The following GLIS3 variants were observed in gnomAD, a reference collection of about 807,000 sequenced individuals.
The protein encoded by GLIS3 is GLIS family zinc finger 3, also known as zinc finger protein GLIS3.
A neutral mutation model predicts 78.6 loss-of-function variants in GLIS3; 53 were observed. That is an observed-to-expected ratio of 0.67 (90% confidence interval 0.54 to 0.85). GLIS3 has a LOEUF of 0.85. Among genes scored for constraint, GLIS3 ranks in the 40% least tolerant of loss-of-function variants. The pLI, the probability that GLIS3 is intolerant of heterozygous loss-of-function variation, is 0.00. For missense variants in GLIS3, 1,703 were observed against 1,231.1 expected (o/e 1.38, Z -5.74); for synonymous variants, 684 against 509.9 (o/e 1.34, Z -4.60).
intron 2 of GLIS3, among the ~76,000 whole-genome samples, chr9:4,201,352 AG>A (rs1367438221): frequency 6.6e-6 from 1 of 152,224 alleles, no homozygotes; most frequent in African/African-American, 2.4e-5. Context: ...GACAAGAGAA[AG>A]AAAAAAAGGC....
At chr9:4,030,275 C>T (rs894983772) in intron 4 of GLIS3, among the ~76,000 whole-genome samples, 2 of 152,096 alleles carry the variant, frequency 1.3e-5, no homozygotes, top group Non-Finnish European at 2.9e-5. Flanking sequence ...AAATATTTTG[C>T]CCAATTTTTT....
At chr9:4,158,740 C>T (rs937348304) in intron 2 of GLIS3, among the ~76,000 whole-genome samples, 1 of 152,162 alleles carries the variant, frequency 6.6e-6, no homozygotes, top group African/African-American at 2.4e-5. Context: ...TCATAAAGTG[C>T]ACATTGTAGT....
chr9:4,209,681 T>C (rs1020401871), intron 2 of GLIS3, among the ~76,000 whole-genome samples: 1 of 152,206 alleles, frequency 6.6e-6, no homozygotes, highest in Non-Finnish European at 1.5e-5. Context: ...TGTTCCTCTC[T>C]GCCAGGGTTT....
At chr9:4,431,952 A>G in the GLIS3 span, among the ~76,000 whole-genome samples, 11 of 152,134 alleles carry the variant, frequency 7.2e-5, no homozygotes, top group African/African-American at 2.7e-4. Context: ...AAGTAGCCAT[A>G]GGCAATATGT....
At chr9:4,163,218 C>A (rs928947527) in intron 2 of GLIS3, among the ~76,000 whole-genome samples, 1 of 151,818 alleles carries the variant, frequency 6.6e-6, no homozygotes, top group Non-Finnish European at 1.5e-5. Flanking sequence ...TTTTTTATGT[C>A]TCAGCATGTG....
chr9:4,274,969 T>A (rs954808393), intron 2 of GLIS3, among the ~76,000 whole-genome samples: 4 of 152,208 alleles, frequency 2.6e-5, no homozygotes, highest in African/African-American at 7.2e-5. Context: ...ATTACAAACT[T>A]TTTACGTCTT....
chr9:4,008,043 G>A (rs759140831), intron 4 of GLIS3, among the ~76,000 whole-genome samples: 3 of 152,138 alleles, frequency 2.0e-5, no homozygotes, highest in African/African-American at 7.2e-5. Flanking sequence ...CCCCTGGCCT[G>A]AAGAAAGGCC....
chr9:4,322,697 C>T (rs961046612), intron 2 of GLIS3, among the ~76,000 whole-genome samples: 9 of 152,218 alleles, frequency 5.9e-5, no homozygotes, highest in Non-Finnish European at 1.3e-4. Context: ...CTGTTGGCTG[C>T]ATAAAAGTCT....
the GLIS3 span, among the ~76,000 whole-genome samples, chr9:4,383,472 A>G: frequency 6.6e-6 from 1 of 152,172 alleles, no homozygotes; most frequent in African/African-American, 2.4e-5. Flanking sequence ...ATAACATAGA[A>G]CTCTTCACTT....
intron 3 of GLIS3, among the ~76,000 whole-genome samples, chr9:4,124,442 T>C (rs915360303): frequency 2.0e-5 from 3 of 152,208 alleles, no homozygotes; most frequent in Non-Finnish European, 4.4e-5. Context: ...CTTCAAGGCA[T>C]GGGCTGGACT....
the GLIS3 span, among the ~76,000 whole-genome samples, chr9:4,452,252 A>C: frequency 6.6e-6 from 1 of 152,176 alleles, no homozygotes; most frequent in African/African-American, 2.4e-5. Context: ...ATTCCTTTTG[A>C]AAACTGGCAC....
the GLIS3 span, among the ~76,000 whole-genome samples, chr9:4,354,360 G>A: frequency 6.6e-6 from 1 of 152,118 alleles, no homozygotes; most frequent in African/African-American, 2.4e-5. Flanking sequence ...ATGGATGAGG[G>A]TATAAGCACC....
At chr9:4,119,612 A>C (rs1263203270) in intron 3 of GLIS3, among the ~76,000 whole-genome samples, 1 of 152,210 alleles carries the variant, frequency 6.6e-6, no homozygotes, top group Non-Finnish European at 1.5e-5. Context: ...GCCATTCGGG[A>C]TTTAATCACA....
intron 2 of GLIS3, among the ~76,000 whole-genome samples, chr9:4,262,804 A>G (rs1825646700): frequency 6.6e-6 from 1 of 152,058 alleles, no homozygotes; most frequent in African/African-American, 2.4e-5. Flanking sequence ...GCATCCCCTG[A>G]AAGCCCAGCT....
chr9:4,060,058 G>A (rs1256606036), intron 4 of GLIS3, among the ~76,000 whole-genome samples: 1 of 151,988 alleles, frequency 6.6e-6, no homozygotes, highest in East Asian at 1.9e-4. Context: ...CAAGGTTCCT[G>A]GCCAACCTGG....
chr9:3,923,901 G>A (rs1194561419), intron 6 of GLIS3, among the ~76,000 whole-genome samples: 1 of 152,194 alleles, frequency 6.6e-6, no homozygotes, highest in Non-Finnish European at 1.5e-5. Flanking sequence ...ACTTTGGGAG[G>A]CCAAGGCAGG....
At chr9:4,479,234 G>A in the GLIS3 span, among the ~76,000 whole-genome samples, 6 of 152,154 alleles carry the variant, frequency 3.9e-5, no homozygotes, top group East Asian at 9.6e-4. Flanking sequence ...CCTCAACCTA[G>A]TCCCTTTAAC....
intron 2 of GLIS3, among the ~76,000 whole-genome samples, chr9:4,255,505 T>G (rs1272172621): frequency 6.6e-6 from 1 of 152,154 alleles, no homozygotes; most frequent in Non-Finnish European, 1.5e-5. Flanking sequence ...CAGTCGTATA[T>G]CCAGACAATG....
the GLIS3 span, among the ~76,000 whole-genome samples, chr9:4,359,194 G>A: frequency 1.3e-5 from 2 of 151,748 alleles, no homozygotes; most frequent in African/African-American, 2.4e-5. Context: ...GTTCAGGAAC[G>A]CCCACCGCTC....
Sources: allele counts gnomAD v4.1 joint callset (sites outside exome capture counted in the v4.1 genomes callset), GRCh38; gene constraint gnomAD v4.1.1; transcripts MANE v1.5; gene names NCBI Gene and HGNC (gene_info 2026-07-23, HGNC 2026-07-21).